Variants in PATJ observed in about 807,000 individuals in gnomAD.
PATJ encodes inaD-like protein.
In PATJ, 190 loss-of-function variants were observed where a neutral mutation model predicts 224.9. The ratio of observed to expected loss-of-function variants is 0.84; its 90% CI spans 0.75 to 0.95. The LOEUF is 0.95. Among genes scored for constraint, PATJ ranks in the 40% least tolerant of loss-of-function variants. The pLI, the probability that PATJ is intolerant of heterozygous loss-of-function variation, is 0.00. For missense variants in PATJ, 2,121 were observed against 2,270.3 expected, an observed-to-expected ratio of 0.93 and a Z score of 1.34; for synonymous variants, 769 against 820.3, an observed-to-expected ratio of 0.94 and a Z score of 1.07.
At chr1:61,865,937 T>TGGGCAAGGTGCTGTGCTGGTTTTATTTA (rs1239968620) in intron 20 of PATJ, among the ~76,000 whole-genome samples, 103 of 152,302 alleles carry the variant, frequency 6.8e-4, no homozygotes, top group Non-Finnish European at 6.8e-4. Flanking sequence ...CTTCCTCTGT[T>TGGGCAAGGTGCTGTGCTGGTTTTATTTA]GGGCAAGGTG....
chr1:61,788,269 G>A (rs750717689), intron 8 of PATJ, among the ~76,000 whole-genome samples: 9 of 152,168 alleles, frequency 5.9e-5, no homozygotes, highest in Non-Finnish European at 1.3e-4. Context: ...AGGTGGTGGA[G>A]GGAAAACTGT....
At chr1:62,055,012 A>G (rs1385809867) in intron 31 of PATJ, among the ~76,000 whole-genome samples, 1 of 152,016 alleles carries the variant, frequency 6.6e-6, no homozygotes, top group Non-Finnish European at 1.5e-5. Context: ...CTGAGATCGC[A>G]CCATTGCACT....
At chr1:61,790,197 C>T (rs1649485040) in intron 8 of PATJ, among the ~76,000 whole-genome samples, 1 of 116,528 alleles carries the variant, frequency 8.6e-6, no homozygotes, top group Non-Finnish European at 1.7e-5. Context: ...GAGCATGATC[C>T]TGTCTCTGAG....
At chr1:62,022,821 G>A (rs1187764095) in intron 29 of PATJ, among the ~76,000 whole-genome samples, 1 of 152,164 alleles carries the variant, frequency 6.6e-6, no homozygotes, top group African/African-American at 2.4e-5. Context: ...CTCACCATGG[G>A]CTCCACCTTC....
rs537821244 is a variant in PATJ, at chr1:61,839,682, G to A, written c.2112+5897G>A. Among the ~76,000 whole-genome samples, 27 of 152,154 alleles carry A rather than the reference G, an allele frequency of 1.8e-4. No homozygotes were observed. In the Middle Eastern group the frequency reaches 0.01, roughly 58 times the overall value. ...AATTCACTGGAAATGTTTGACATTA[G>A]CTAATTTTTGAACATTAGCCATGAT... On this transcript the variant is annotated intron_variant, in intron 17 of 43. Coordinates refer to ENST00000642238, the MANE Select transcript of PATJ (RefSeq NM_001350145.3).
At chr1:61,877,783 A>G (rs1203385847) in intron 21 of PATJ, among the ~76,000 whole-genome samples, 18 of 152,170 alleles carry the variant, frequency 1.2e-4, no homozygotes, top group Non-Finnish European at 2.6e-4. Context: ...TGGCAGTGTG[A>G]GAGTGGATTA....
chr1:61,919,492 A>C (rs1334064339), intron 26 of PATJ, among the ~76,000 whole-genome samples: 2 of 151,026 alleles, frequency 1.3e-5, no homozygotes, highest in Non-Finnish European at 3.0e-5. Flanking sequence ...TTTTTTTGAG[A>C]TGAGGTTTTG....
At chr1:61,892,620 T>G (rs1669762380) in intron 22 of PATJ, among the ~76,000 whole-genome samples, 1 of 152,178 alleles carries the variant, frequency 6.6e-6, no homozygotes, top group Admixed American at 6.6e-5. Flanking sequence ...GTTATAAATC[T>G]CTGGTTGAAT....
intron 7 of PATJ, among the ~76,000 whole-genome samples, chr1:61,777,724 T>TTTTTTTTTTTTTTC (rs765662896): frequency 2.9e-4 from 31 of 106,006 alleles, no homozygotes; most frequent in African/African-American, 1.1e-3. Flanking sequence ...TTTTTTTTTT[T>TTTTTTTTTTTTTTC]TTTAGCATAG....
At chr1:62,109,722 A>G (rs1017328257) in intron 34 of PATJ, among the ~76,000 whole-genome samples, 10 of 152,224 alleles carry the variant, frequency 6.6e-5, no homozygotes, top group Admixed American at 5.9e-4. Flanking sequence ...AAAATGGCAC[A>G]TATGCCTTGA....
In PATJ at chr1:62,148,403, G is replaced by A; in HGVS notation, c.5378+13G>A. 6.4e-7 allele frequency: 1 copy of A among 1,560,014 alleles called. No individual in the cohort carries two copies. The highest frequency in any genetic ancestry group is 8.8e-7 in the Non-Finnish European group (1 of 1,130,622). On this transcript the variant is annotated intron_variant, in intron 42 of 43. Coordinates refer to ENST00000642238, the MANE Select transcript of PATJ (RefSeq NM_001350145.3). ...CAGAAGACACAGAGTGAGTATTTCA[G>A]ATGCAGAGGGCCTATTATGCATGTG...
intron 14 of PATJ, among the ~76,000 whole-genome samples, chr1:61,819,979 A>G (rs991264854): frequency 6.6e-6 from 1 of 152,034 alleles, no homozygotes; most frequent in Non-Finnish European, 1.5e-5. Flanking sequence ...AATAATTAGG[A>G]AGTGATGCAT....
At position 62,108,595 on chromosome 1, in the gene PATJ, T is replaced by C. The variant is rs1663408608; in HGVS notation, c.4461+75T>C. The C allele has an allele frequency of 5.1e-6, 4 of 786,116 alleles. No individual in the cohort carries two copies. The East Asian group carries it at 7.9e-5, about 15-fold the overall frequency. The allele number at this position is 786,116 out of a possible 1,614,324, so 48.7% of individuals were successfully genotyped here. A position where few individuals can be genotyped will look rare whatever the true frequency, so the allele number is the denominator to read the frequency against. ...TGGTCTCGATCCATAAAGTTGTCTT[T>C]CTACTCAACTGTATTTTCACTGATT... On this transcript the variant is annotated intron_variant, in intron 34 of 43. Transcript: ENST00000642238.
At chr1:61,888,762 T>C (rs998059474) in intron 22 of PATJ, among the ~76,000 whole-genome samples, 2 of 152,204 alleles carry the variant, frequency 1.3e-5, no homozygotes, top group Non-Finnish European at 2.9e-5. Context: ...CAGTTGTTCT[T>C]ACTCAATTTG....
At chr1:61,772,589 T>C (rs949913706) in intron 6 of PATJ, among the ~76,000 whole-genome samples, 1 of 152,210 alleles carries the variant, frequency 6.6e-6, no homozygotes, top group Admixed American at 6.5e-5. Context: ...TAAGACTGTC[T>C]CAGTACAATA....
At chr1:61,894,818 G>A (rs1276796357) in intron 22 of PATJ, among the ~76,000 whole-genome samples, 2 of 152,214 alleles carry the variant, frequency 1.3e-5, no homozygotes, top group African/African-American at 2.4e-5. Context: ...GAATGATTTG[G>A]AGGGCTCAGA....
chr1:61,994,040 A>T (rs1645214671), intron 28 of PATJ, among the ~76,000 whole-genome samples: 1 of 152,170 alleles, frequency 6.6e-6, no homozygotes, highest in South Asian at 2.1e-4. Context: ...CTCCACAAAG[A>T]TTCTCTAGTT....
intron 20 of PATJ, among the ~76,000 whole-genome samples, chr1:61,873,421 GGCCTCCCAAAGT>G (rs1388865024): frequency 2.0e-5 from 3 of 152,062 alleles, no homozygotes; most frequent in African/African-American, 7.2e-5. Flanking sequence ...TACACATTTT[GGCCTCCCAAAGT>G]GCTGGGATTA....
chr1:61,949,818 A>G (rs1212908347), intron 27 of PATJ, among the ~76,000 whole-genome samples: 7 of 123,940 alleles, frequency 5.6e-5, no homozygotes, highest in Admixed American at 5.2e-4. Flanking sequence ...AGGCAGGAGA[A>G]TCACATGAAC....
Sources: gnomAD v4.1 joint callset for allele counts (sites outside exome capture counted in the v4.1 genomes callset) on GRCh38, gnomAD v4.1.1 for gene constraint, MANE v1.5 for transcripts, NCBI Gene and HGNC (gene_info 2026-07-23, HGNC 2026-07-21) for gene names.